UMAD1: variants seen among roughly 807,000 people sequenced by gnomAD.
UMAD1 encodes UBAP1-MVB12-associated (UMA)-domain containing protein 1.
A neutral mutation model predicts 6.1 loss-of-function variants in UMAD1; 8 were observed. That is an observed-to-expected ratio of 1.30 (90% CI 0.76 to 2.35). The LOEUF is 2.35. Among genes scored for constraint, UMAD1 ranks in the 30% most tolerant of loss-of-function variants. The pLI, the probability that UMAD1 is intolerant of heterozygous loss-of-function variation, is 0.00. For missense variants in UMAD1, 130 were observed against 78.4 expected, an observed-to-expected ratio of 1.66 and a Z score of -2.49; for synonymous variants, 56 against 31.4, an observed-to-expected ratio of 1.78 and a Z score of -2.61.
At chr7:7,722,914 C>T (rs1056852998) in intron 2 of UMAD1, among the ~76,000 whole-genome samples, 9 of 152,110 alleles carry the variant, frequency 5.9e-5, no homozygotes, top group African/African-American at 2.2e-4. Flanking sequence ...TCTTTTTTGC[C>T]AGAAGAAACA....
At chr7:7,672,354 G>A (rs1343125747) in intron 1 of UMAD1, among the ~76,000 whole-genome samples, 2 of 152,142 alleles carry the variant, frequency 1.3e-5, no homozygotes, top group Non-Finnish European at 2.9e-5. Flanking sequence ...GGTTGTGTAT[G>A]TGTGCTTGTA....
chr7:7,662,186 G>A (rs1170743858), intron 1 of UMAD1, among the ~76,000 whole-genome samples: 1 of 152,180 alleles, frequency 6.6e-6, no homozygotes, highest in Non-Finnish European at 1.5e-5. Flanking sequence ...TCCCAGGTCA[G>A]CTTCAGGTTG....
intron 3 of UMAD1, among the ~76,000 whole-genome samples, chr7:7,816,777 G>A (rs1035653093): frequency 1.3e-5 from 2 of 152,064 alleles, no homozygotes; most frequent in South Asian, 4.1e-4. Context: ...TTGCTTATCT[G>A]TCCTTTCCTC....
chr7:7,818,588 A>C (rs919625387), intron 3 of UMAD1, among the ~76,000 whole-genome samples: 4 of 152,116 alleles, frequency 2.6e-5, no homozygotes, highest in African/African-American at 9.7e-5. Context: ...TAGTTCAACC[A>C]TTGTGAAAGA....
chr7:7,812,951 A>T (rs1783049716), intron 3 of UMAD1, among the ~76,000 whole-genome samples: 2 of 152,128 alleles, frequency 1.3e-5, no homozygotes, highest in Admixed American at 1.3e-4. Flanking sequence ...ACCACTAGAG[A>T]TTCCTTCTTG....
chr7:7,796,016 G>A (rs1047404109), intron 2 of UMAD1, among the ~76,000 whole-genome samples: 3 of 151,978 alleles, frequency 2.0e-5, no homozygotes, highest in Non-Finnish European at 4.4e-5. Context: ...TGGTTCAAAG[G>A]CCTCTGACAA....
intron 2 of UMAD1, among the ~76,000 whole-genome samples, chr7:7,696,108 C>T (rs1321255045): frequency 2.6e-5 from 4 of 151,102 alleles, no homozygotes; most frequent in East Asian, 3.9e-4. Context: ...TGGGTTCAAG[C>T]GATCCTCCCA....
At chr7:7,768,705 A>G (rs1334438636) in intron 2 of UMAD1, among the ~76,000 whole-genome samples, 1 of 152,338 alleles carries the variant, frequency 6.6e-6, no homozygotes, top group East Asian at 1.9e-4. Flanking sequence ...AATCCTCAGC[A>G]CTGAAAGTAG....
chr7:7,816,527 GGGA>G (rs774526520), intron 3 of UMAD1, among the ~76,000 whole-genome samples: 16 of 152,180 alleles, frequency 1.1e-4, no homozygotes, highest in Non-Finnish European at 2.2e-4. Flanking sequence ...TGACTGCCTT[GGGA>G]TATATGCCAC....
chr7:7,811,079 C>A (rs551922993), intron 3 of UMAD1, among the ~76,000 whole-genome samples: 21 of 152,220 alleles, frequency 1.4e-4, no homozygotes, highest in African/African-American at 5.1e-4. Flanking sequence ...GCATATTTTC[C>A]CCCGCAAAAG....
intron 3 of UMAD1, among the ~76,000 whole-genome samples, chr7:7,855,080 C>T (rs973957510): frequency 1.3e-5 from 2 of 152,256 alleles, no homozygotes; most frequent in Non-Finnish European, 2.9e-5. Context: ...CTCCTGAGGC[C>T]TTGGGCAGTT....
At chr7:7,769,619 A>G (rs1484744670) in intron 2 of UMAD1, among the ~76,000 whole-genome samples, 1 of 152,082 alleles carries the variant, frequency 6.6e-6, no homozygotes, top group Non-Finnish European at 1.5e-5. Context: ...TTTATTGTGG[A>G]ATGTTTCTTT....
At chr7:7,720,987 A>G (rs1781038505) in intron 2 of UMAD1, among the ~76,000 whole-genome samples, 3 of 152,166 alleles carry the variant, frequency 2.0e-5, no homozygotes, top group South Asian at 4.1e-4. Flanking sequence ...TCCTTATAAG[A>G]AGAGGGAAAT....
chr7:7,821,185 C>T (rs1245398773), intron 3 of UMAD1, among the ~76,000 whole-genome samples: 1 of 152,112 alleles, frequency 6.6e-6, no homozygotes, highest in Admixed American at 6.6e-5. Flanking sequence ...CCCCCACCCC[C>T]AAGTTTGTGA....
intron 3 of UMAD1, among the ~76,000 whole-genome samples, chr7:7,828,448 C>T (rs1043314082): frequency 6.6e-6 from 1 of 152,172 alleles, no homozygotes; most frequent in Non-Finnish European, 1.5e-5. Flanking sequence ...AGTCCAAACA[C>T]TTAAGCCAAG....
rs547024556 is a variant in UMAD1 at position 7,654,403 on chromosome 7, T to G, written c.-64+13582T>G. ...TCAAGATGACTTTATCATATGGATA[T>G]GGGAAGTGATTCTGTAGAGACAGTA... On this transcript the variant is annotated intron_variant, in intron 1 of 3. Coordinates refer to ENST00000682710, the MANE Select transcript of UMAD1 (RefSeq NM_001302348.2). Among the ~76,000 whole-genome samples the G allele has an allele frequency of 2.6e-5, 4 of 152,350 alleles. No homozygotes were observed. The South Asian group carries it at 8.3e-4, about 32-fold the overall frequency.
At chr7:7,647,099 T>C (rs559706326) in intron 1 of UMAD1, among the ~76,000 whole-genome samples, 36 of 152,262 alleles carry the variant, frequency 2.4e-4, no homozygotes, top group African/African-American at 8.7e-4. Context: ...ATCTATTGAG[T>C]GTTTGGTAGT....
intron 3 of UMAD1, among the ~76,000 whole-genome samples, chr7:7,827,939 A>T (rs561680238): frequency 6.6e-6 from 1 of 152,310 alleles, no homozygotes; most frequent in East Asian, 1.9e-4. Flanking sequence ...TTTTAACCAA[A>T]ATGTTATAGA....
intron 2 of UMAD1, among the ~76,000 whole-genome samples, chr7:7,675,926 C>T (rs1042647925): frequency 1.3e-5 from 2 of 152,176 alleles, no homozygotes; most frequent in Admixed American, 1.3e-4. Context: ...TCATTTCCCC[C>T]CAGGTGCAAA....
Sources: allele counts gnomAD v4.1 joint callset (sites outside exome capture counted in the v4.1 genomes callset), GRCh38; gene constraint gnomAD v4.1.1; transcripts MANE v1.5; gene names NCBI Gene and HGNC (gene_info 2026-07-23, HGNC 2026-07-21).